Variants in DLGAP4 observed in about 807,000 individuals in gnomAD.
DLGAP4 encodes the protein disks large-associated protein 4.
Under a neutral mutation model 86.9 loss-of-function variants are expected in DLGAP4, and 18 were observed. The observed-to-expected ratio is 0.21, with a 90% confidence interval of 0.14 to 0.31. The LOEUF (loss-of-function observed/expected upper bound fraction) is 0.31. Among genes scored for constraint, DLGAP4 ranks in the 10% least tolerant of loss-of-function variants. The pLI, the probability that DLGAP4 is intolerant of heterozygous loss-of-function variation, is 1.00. For missense variants in DLGAP4, 1,085 were observed against 1,362.6 expected, an observed-to-expected ratio of 0.80 and a Z score of 3.21; for synonymous variants, 548 against 574.3, an observed-to-expected ratio of 0.95 and a Z score of 0.65.
intron 2 of DLGAP4, among the ~76,000 whole-genome samples, chr20:36,380,608 A>G (rs2031345094): frequency 6.0e-4 from 3 of 5,016 alleles, no homozygotes; most frequent in Admixed American, 2.1e-3. Context: ...AGAGAGAGAG[A>G]GAGAGAGAGA....
At position 36,497,113 on chromosome 20, in the gene DLGAP4, C is replaced by G. The variant is rs6013908; in HGVS notation, c.2010+47C>G. ...TGTGTCCTCAGCCCACTCCGTGCAC[C>G]TGCCTGTGTGTAATTACATCTGGTA... On this transcript the variant is annotated intron_variant, in intron 8 of 12. Coordinates refer to ENST00000339266, the MANE Select transcript of DLGAP4 (RefSeq NM_001365621.2). 1.5e-4 allele frequency: 232 copies of G among 1,535,774 alleles called. 3 individuals carry two copies. In the African/African-American group the frequency reaches 3.0e-3, roughly 20 times the overall value.
At chr20:36,449,271 C>T (rs1219880114) in intron 7 of DLGAP4, among the ~76,000 whole-genome samples, 3 of 152,228 alleles carry the variant, frequency 2.0e-5, no homozygotes, top group African/African-American at 7.2e-5. Context: ...TCTGCTAGGG[C>T]ACCTGGCCCT....
chr20:36,417,584 A>G (rs2032694619), intron 2 of DLGAP4, among the ~76,000 whole-genome samples: 2 of 151,884 alleles, frequency 1.3e-5, no homozygotes, highest in African/African-American at 2.4e-5. Context: ...GGGTCTCACT[A>G]TGCTGCCCAG....
chr20:36,459,066 C>T (rs900994936), intron 7 of DLGAP4, among the ~76,000 whole-genome samples: 7 of 152,264 alleles, frequency 4.6e-5, no homozygotes, highest in East Asian at 3.9e-4. Context: ...CTTCACCCCC[C>T]GGATGGGGAG....
At chr20:36,396,557 CACACACAT>C (rs1302138349) in intron 2 of DLGAP4, among the ~76,000 whole-genome samples, 10 of 34,338 alleles carry the variant, frequency 2.9e-4, no homozygotes, top group African/African-American at 1.2e-3. Flanking sequence ...ACACCACAGA[CACACACAT>C]ACACACACCA....
At chr20:36,446,140 C>G (rs2033586337) in intron 6 of DLGAP4, among the ~76,000 whole-genome samples, 1 of 152,216 alleles carries the variant, frequency 6.6e-6, no homozygotes, top group African/African-American at 2.4e-5. Context: ...TTCCAGACCC[C>G]TTTCCCAACA....
intron 8 of DLGAP4, chr20:36,498,869 C>G (rs980321405): frequency 3.7e-5 from 8 of 216,768 alleles, no homozygotes; most frequent in African/African-American, 1.9e-4. Flanking sequence ...TCACTGTTGT[C>G]CTGTTCCACT....
intron 10 of DLGAP4, among the ~76,000 whole-genome samples, chr20:36,518,541 T>C (rs2037180082): frequency 6.6e-6 from 1 of 152,208 alleles, no homozygotes. Context: ...ACTACTACTT[T>C]AGCTGTATCT....
rs6018474 is a variant in DLGAP4 at position 36,429,730 on chromosome 20, G to A, written c.-72-1916G>A. 7.3e-3 allele frequency among the ~76,000 whole-genome samples: 1,112 copies of A among 152,212 alleles called. 16 individuals carry two copies. Among genetic ancestry groups the A allele is most frequent in the African/African-American group, 0.025 (1,049 of 41,534 alleles). Reference sequence around the variant, plus strand: ...CCCATGCCTCTTTCTTATAGGGACCGTGTGATTAGCTTGAGCCTATCCAGA... The same window carrying A: ...CCCATGCCTCTTTCTTATAGGGACCATGTGATTAGCTTGAGCCTATCCAGA... On this transcript the variant is annotated intron_variant, in intron 2 of 12. Transcript: ENST00000339266.
intron 1 of DLGAP4, among the ~76,000 whole-genome samples, chr20:36,339,543 G>C (rs1227468872): frequency 2.6e-5 from 4 of 152,148 alleles, no homozygotes; most frequent in Non-Finnish European, 5.9e-5. Context: ...ACCACCCCTG[G>C]CTAATGTTTT....
chr20:36,510,237 T>C (rs2036615318), intron 10 of DLGAP4, among the ~76,000 whole-genome samples: 1 of 152,132 alleles, frequency 6.6e-6, no homozygotes, highest in South Asian at 2.1e-4. Flanking sequence ...GCTGCTTCTA[T>C]GTTAATACAA....
At chr20:36,468,819 C>T (rs994355941) in intron 7 of DLGAP4, among the ~76,000 whole-genome samples, 4 of 152,250 alleles carry the variant, frequency 2.6e-5, no homozygotes, top group Non-Finnish European at 2.9e-5. Flanking sequence ...GCTATTTGGA[C>T]TTTGGAACAG....
chr20:36,439,126 T>C (rs2033373570), intron 4 of DLGAP4, among the ~76,000 whole-genome samples: 1 of 152,212 alleles, frequency 6.6e-6, no homozygotes, highest in African/African-American at 2.4e-5. Context: ...TGTTAGCACT[T>C]GTCCGCTGGC....
In DLGAP4 at chr20:36,442,655, A is replaced by G. The variant is rs2033480772; in HGVS notation, c.1357-72A>G. 3 of 1,554,676 alleles carry G rather than the reference A, an allele frequency of 1.9e-6. No homozygotes were observed. The South Asian group carries it at 3.4e-5, about 17-fold the overall frequency. The stretch of plus-strand genomic sequence containing the variant: ...ACCAGCCAGCTTCAAGTTTCCTTGC[A>G]ATTGACCCTGAATCCCCCACCCCAG... On this transcript the variant is annotated intron_variant, in intron 5 of 12. Transcript: ENST00000339266.
chr20:36,528,283 C>G lies in DLGAP4; in HGVS notation c.*1252C>G, dbSNP rs1600735588. On this transcript the variant is annotated 3_prime_UTR_variant, in exon 13 of 13. Transcript: ENST00000339266. ...CCCCCGCATCCCACTCCCAGGGTGTCACGAGCCCTGAGCTGCAATGGCCCG... is the reference window on the plus strand; with the variant it reads ...CCCCCGCATCCCACTCCCAGGGTGTGACGAGCCCTGAGCTGCAATGGCCCG... The G allele has an allele frequency of 6.5e-6, 1 of 152,770 alleles. No homozygotes were observed. Among genetic ancestry groups the G allele is most frequent in the East Asian group, 1.9e-4 (1 of 5,168 alleles). 9.5% of individuals were successfully genotyped at this position (152,770 alleles called of 1,614,324 possible).
At chr20:36,395,736 T>C (rs1321336110) in intron 2 of DLGAP4, among the ~76,000 whole-genome samples, 2 of 152,076 alleles carry the variant, frequency 1.3e-5, no homozygotes, top group Admixed American at 6.5e-5. Flanking sequence ...TGACCTCAGG[T>C]GATCCGCCCG....
At chr20:36,499,220 T>C (rs777137065) in intron 8 of DLGAP4, 2 of 1,596,348 alleles carry the variant, frequency 1.3e-6, no homozygotes, top group East Asian at 2.2e-5. Flanking sequence ...CTTTTTTTTT[T>C]TTCTCTCTGA....
intron 2 of DLGAP4, among the ~76,000 whole-genome samples, chr20:36,424,959 T>C (rs932891089): frequency 3.9e-5 from 6 of 152,110 alleles, no homozygotes; most frequent in African/African-American, 1.2e-4. Flanking sequence ...TGGTCTCAAA[T>C]TCCTGACCTC....
intron 10 of DLGAP4, among the ~76,000 whole-genome samples, chr20:36,515,583 T>A (rs146623855): frequency 0.01 from 1,573 of 152,324 alleles, 10 homozygotes; most frequent in Non-Finnish European, 0.016. Flanking sequence ...GCTTTTTAAA[T>A]GTATTTTAAT....
Sources: allele counts gnomAD v4.1 joint callset (sites outside exome capture counted in the v4.1 genomes callset), GRCh38; gene constraint gnomAD v4.1.1; transcripts MANE v1.5; gene names NCBI Gene and HGNC (gene_info 2026-07-23, HGNC 2026-07-21).